Variants in NLGN4X observed in about 807,000 individuals in gnomAD.
The protein encoded by NLGN4X is neuroligin-4, X-linked.
A neutral mutation model predicts 40.3 loss-of-function variants in NLGN4X; 3 were observed. The observed-to-expected ratio is 0.07, with a 90% CI of 0.03 to 0.19. The LOEUF (loss-of-function observed/expected upper bound fraction) is 0.19, where lower values mean the gene tolerates loss of function less well. Ranked by LOEUF, NLGN4X falls within the 10% of genes least tolerant of loss-of-function variation. The pLI, the probability that NLGN4X is intolerant of heterozygous loss-of-function variation, is 1.00. For synonymous variants in NLGN4X, 270 were observed against 306.8 expected (o/e 0.88, Z 1.25); for missense variants, 382 against 708.3 (o/e 0.54, Z 5.23).
intron 3 of NLGN4X, among the ~76,000 whole-genome samples, chrX:5,989,186 G>C (rs2035615809): frequency 8.9e-6 from 1 of 111,945 alleles, no homozygotes; most frequent in South Asian, 3.7e-4. Context: ...TATACAATGT[G>C]GTCACTGACC....
At chrX:5,953,967 T>C (rs999975185) in intron 3 of NLGN4X, among the ~76,000 whole-genome samples, 7 of 111,246 alleles carry the variant, frequency 6.3e-5, no homozygotes, top group African/African-American at 9.8e-5. Flanking sequence ...ACTAGCCCCA[T>C]GGAGGGTCTC....
chrX:5,935,251 A>C (rs1167298838), intron 3 of NLGN4X, among the ~76,000 whole-genome samples: 1 of 112,576 alleles, frequency 8.9e-6, no homozygotes, highest in Admixed American at 9.4e-5. Context: ...ATAATCTTAC[A>C]AGATAAAGAA....
intron 3 of NLGN4X, among the ~76,000 whole-genome samples, chrX:5,921,636 A>T (rs1344903711): frequency 9.0e-6 from 1 of 111,043 alleles, no homozygotes; most frequent in Non-Finnish European, 1.9e-5. Flanking sequence ...TATCCACAAA[A>T]CCTTGAGTTG....
At chrX:5,953,959 T>C (rs1674621260) in intron 3 of NLGN4X, among the ~76,000 whole-genome samples, 1 of 111,421 alleles carries the variant, frequency 9.0e-6, no homozygotes, top group South Asian at 3.8e-4. Context: ...GCCAACAGAC[T>C]AGCCCCATGG....
chrX:5,935,468 G>A (rs1295350192), intron 3 of NLGN4X, among the ~76,000 whole-genome samples: 1 of 112,480 alleles, frequency 8.9e-6, no homozygotes, highest in Non-Finnish European at 1.9e-5. Flanking sequence ...TGCAGTGAAT[G>A]CAGAGAGGAC....
At chrX:6,138,860 G>C (rs747092171) in intron 2 of NLGN4X, among the ~76,000 whole-genome samples, 3 of 109,706 alleles carry the variant, frequency 2.7e-5, no homozygotes, top group East Asian at 5.7e-4. Context: ...TTTCCAGTAT[G>C]ATATTCAATA....
intron 1 of NLGN4X, among the ~76,000 whole-genome samples, chrX:6,156,909 G>GT (rs1371851964): frequency 9.2e-6 from 1 of 108,597 alleles, no homozygotes; most frequent in Non-Finnish European, 1.9e-5. Context: ...TATGTTTAAG[G>GT]TAAAAAAAAA....
At chrX:6,213,528 C>T (rs1924798678) in intron 1 of NLGN4X, among the ~76,000 whole-genome samples, 1 of 112,030 alleles carries the variant, frequency 8.9e-6, no homozygotes, top group African/African-American at 3.2e-5. Flanking sequence ...CAGATGGTCA[C>T]GTAAGATGCG....
chrX:6,008,297 G>A (rs1027790769), intron 3 of NLGN4X, among the ~76,000 whole-genome samples: 2 of 111,711 alleles, frequency 1.8e-5, no homozygotes, highest in Non-Finnish European at 3.8e-5. Context: ...CTGTCTCTAT[G>A]AATTGAATCC....
At chrX:5,994,755 G>T (rs2035773342) in intron 3 of NLGN4X, among the ~76,000 whole-genome samples, 1 of 112,072 alleles carries the variant, frequency 8.9e-6, no homozygotes, top group South Asian at 3.7e-4. Context: ...TTACCTGTTT[G>T]CAGGCCACAA....
intron 3 of NLGN4X, among the ~76,000 whole-genome samples, chrX:5,977,423 T>C (rs1303779522): frequency 9.1e-6 from 1 of 110,246 alleles, no homozygotes; most frequent in African/African-American, 3.3e-5. Flanking sequence ...GGTCTCACTA[T>C]GTTACCCAGA....
At chrX:6,183,410 G>A (rs1042561037) in intron 1 of NLGN4X, among the ~76,000 whole-genome samples, 1 of 111,224 alleles carries the variant, frequency 9.0e-6, no homozygotes, top group African/African-American at 3.3e-5. Flanking sequence ...AGCCAGGAGT[G>A]GTGGTGGGCG....
At chrX:5,947,577 A>G (rs1601934441) in intron 3 of NLGN4X, among the ~76,000 whole-genome samples, 1 of 112,223 alleles carries the variant, frequency 8.9e-6, no homozygotes, top group Non-Finnish European at 1.9e-5. Context: ...TTTGAGGAAA[A>G]AAATATATTC....
At chrX:6,048,229 T>C (rs1322668771) in intron 2 of NLGN4X, among the ~76,000 whole-genome samples, 1 of 112,067 alleles carries the variant, frequency 8.9e-6, no homozygotes, top group Admixed American at 9.5e-5. Context: ...TACCATGTTT[T>C]GGTACAAAAC....
intron 2 of NLGN4X, among the ~76,000 whole-genome samples, chrX:6,050,285 GGATT>G (rs1456662497): frequency 9.0e-6 from 1 of 111,345 alleles, no homozygotes; most frequent in Non-Finnish European, 1.9e-5. Flanking sequence ...CTATAGAGAT[GGATT>G]GATACATAGG....
chrX:6,170,112 A>T (rs189155875), intron 1 of NLGN4X, among the ~76,000 whole-genome samples: 1,374 of 109,398 alleles, frequency 0.013, 29 homozygotes, highest in African/African-American at 0.043. Context: ...GCTCAAGCGA[A>T]CCTCCCACCT....
At chrX:6,089,411 A>G (rs2038581200) in intron 2 of NLGN4X, among the ~76,000 whole-genome samples, 1 of 112,692 alleles carries the variant, frequency 8.9e-6, no homozygotes. Context: ...CTTAGCTATC[A>G]TCATAAACTA....
chrX:6,102,829 TAGAG>T (rs578223275), intron 2 of NLGN4X, among the ~76,000 whole-genome samples: 13 of 110,651 alleles, frequency 1.2e-4, no homozygotes, highest in African/African-American at 2.0e-4. Flanking sequence ...ACAGATTAGA[TAGAG>T]AGAGAGGGGT....
intron 2 of NLGN4X, among the ~76,000 whole-genome samples, chrX:6,105,384 G>A (rs1463728149): frequency 3.7e-5 from 4 of 109,228 alleles, no homozygotes; most frequent in Admixed American, 9.9e-5. Context: ...TTAGAATATG[G>A]AATAAAATGT....
Sources: gnomAD v4.1 joint callset for allele counts (sites outside exome capture counted in the v4.1 genomes callset) on GRCh38, gnomAD v4.1.1 for gene constraint, MANE v1.5 for transcripts, NCBI Gene and HGNC (gene_info 2026-07-23, HGNC 2026-07-21) for gene names.